ZNF793: variants seen among roughly 807,000 people sequenced by gnomAD.
ZNF793 encodes the protein zinc finger protein 793.
ZNF793 carries 5 observed loss-of-function variants against 12.4 expected under a neutral mutation model. The observed-to-expected ratio is 0.40, with a 90% CI of 0.21 to 0.84. The LOEUF (loss-of-function observed/expected upper bound fraction) is 0.84, where lower values mean the gene tolerates loss of function less well. ZNF793 is among the 40% of genes least tolerant of loss of function. The pLI is 0.35. For missense variants in ZNF793, 456 were observed against 495.0 expected, an observed-to-expected ratio of 0.92 and a Z score of 0.75; for synonymous variants, 162 against 172.4, an observed-to-expected ratio of 0.94 and a Z score of 0.47.
chr19:37,513,441 CACTT>C (rs2147060943), intron 2 of ZNF793, among the ~76,000 whole-genome samples: 1 of 152,336 alleles, frequency 6.6e-6, no homozygotes, highest in East Asian at 1.9e-4. Context: ...GCACATTAGA[CACTT>C]ACAAAACTGT....
At chr19:37,523,602 G>A (rs922662107) in intron 5 of ZNF793, 148 bp downstream of exon 5, 7 of 734,252 alleles carry the variant, frequency 9.5e-6, no homozygotes, top group Non-Finnish European at 1.4e-5. Flanking sequence ...TTTTCTCACA[G>A]GAGGTTGATT....
chr19:37,537,907 G>A lies in ZNF793; in HGVS notation c.*28G>A. ...AAAATATCTGGTTTCATGGTATGTA[G>A]GGAATTTTTTTTTTTTTTTTTTGAG... On this transcript the variant is annotated 3_prime_UTR_variant, in exon 8 of 8. Transcript: ENST00000627814. 1.4e-6 allele frequency: 2 copies of A among 1,474,782 alleles called. No individual in the cohort carries two copies. Among genetic ancestry groups the A allele is most frequent in the South Asian group, 1.4e-5 (1 of 70,434 alleles). The allele number at this position is 1,474,782 out of a possible 1,614,324, so 91.4% of individuals were successfully genotyped here. A position where few individuals can be genotyped will look rare whatever the true frequency, so the allele number is the denominator to read the frequency against.
chr19:37,528,070 A>G (rs548202142), intron 5 of ZNF793, among the ~76,000 whole-genome samples: 1 of 152,272 alleles, frequency 6.6e-6, no homozygotes, highest in East Asian at 1.9e-4. Flanking sequence ...CGGAGGTTGC[A>G]GTGAGCCGAG....
intron 3 of ZNF793, among the ~76,000 whole-genome samples, chr19:37,521,279 G>T (rs996447869): frequency 1.3e-4 from 20 of 150,810 alleles, no homozygotes; most frequent in Admixed American, 1.3e-3. Context: ...GAGCCACTGT[G>T]CCTGTCCTGA....
intron 4 of ZNF793, among the ~76,000 whole-genome samples, chr19:37,522,961 A>G (rs982294000): frequency 6.6e-5 from 10 of 152,322 alleles, no homozygotes; most frequent in East Asian, 5.8e-4. Context: ...TTTATGACCT[A>G]TATAATATTT....
In ZNF793 at chr19:37,537,309, G is replaced by T. The variant is rs1342884174; in HGVS notation, c.651G>T (p.Arg217=). 3.1e-6 allele frequency: 5 copies of T among 1,613,612 alleles called. No homozygotes were observed. The East Asian group carries it at 8.9e-5, about 29-fold the overall frequency. ...PAVSDSLLYK[R]KRVPPTEKPH... is the part of the protein sequence containing the mutation. ...TAAGTGATTCTCTCTTGTACAAACG[G>T]AAGAGGGTTCCACCTACAGAAAAAC... The change falls in exon 8 of 8, where the codon CGG becomes CGT. Residue 217 remains arginine (R), a synonymous_variant. Coordinates refer to ENST00000627814, the MANE Select transcript of ZNF793 (RefSeq NM_001013659.3).
chr19:37,525,054 T>G (rs2042402847), intron 5 of ZNF793, among the ~76,000 whole-genome samples: 1 of 152,178 alleles, frequency 6.6e-6, no homozygotes, highest in Non-Finnish European at 1.5e-5. Flanking sequence ...CTTCTGTTGC[T>G]TGCGATCCAC....
chr19:37,515,585 G>A (rs1198193128), intron 2 of ZNF793, among the ~76,000 whole-genome samples: 1 of 152,178 alleles, frequency 6.6e-6, no homozygotes, highest in African/African-American at 2.4e-5. Context: ...TGGGATTACA[G>A]GCGTGAGCCA....
chr19:37,507,900 G>A (rs944316779), intron 1 of ZNF793, among the ~76,000 whole-genome samples: 2 of 152,214 alleles, frequency 1.3e-5, no homozygotes, highest in Non-Finnish European at 2.9e-5. Flanking sequence ...GTTGGAGATT[G>A]GAGGCCAGTG....
intron 7 of ZNF793, chr19:37,536,228 A>G: frequency 2.6e-6 from 1 of 387,140 alleles, no homozygotes; most frequent in Non-Finnish European, 4.6e-6. Context: ...GTAACTAACT[A>G]GCCCAACATG....
rs1025263164 is a variant in ZNF793 at position 37,534,491 on chromosome 19, C to G, written c.238+1088C>G. 3 of 147,378 alleles carry G rather than the reference C, an allele frequency of 2.0e-5. No homozygotes were observed. The Admixed American group carries it at 2.1e-4, about 10-fold the overall frequency. The allele number at this position is 147,378 out of a possible 1,614,324, so 9.1% of individuals were successfully genotyped here. On this transcript the variant is annotated intron_variant, in intron 7 of 7. Transcript: ENST00000627814. ...CCTTGCTACCCCTGCCACACACACA[C>G]TCACACTCACACACACACACACACA...
chr19:37,510,977 G>A (rs10411574), intron 2 of ZNF793, among the ~76,000 whole-genome samples: 9 of 151,788 alleles, frequency 5.9e-5, no homozygotes, highest in East Asian at 2.0e-4. Context: ...GATTACAGGC[G>A]TGAGCCACCA....
At chr19:37,536,698 C>T (rs901740968) in intron 7 of ZNF793, 199 bp from the exon 8 acceptor site, 33 of 577,080 alleles carry the variant, frequency 5.7e-5, no homozygotes, top group South Asian at 8.9e-5. Flanking sequence ...AATTATTGGT[C>T]TCTATACTCT....
chr19:37,523,311 T>C, intron 4 of ZNF793, 99 bp from the exon 5 acceptor site: 1 of 938,650 alleles, frequency 1.1e-6, no homozygotes, highest in South Asian at 1.5e-5. Flanking sequence ...TTGTACAATA[T>C]TTACAAAGGG....
chr19:37,518,752 T>A (rs1462567975), intron 2 of ZNF793, among the ~76,000 whole-genome samples: 4 of 151,724 alleles, frequency 2.6e-5, no homozygotes, highest in Admixed American at 2.6e-4. Flanking sequence ...CAAGCCATGA[T>A]CATGCCACTG....
intron 2 of ZNF793, among the ~76,000 whole-genome samples, chr19:37,510,935 G>A (rs1387511860): frequency 6.6e-6 from 1 of 151,810 alleles, no homozygotes; most frequent in Non-Finnish European, 1.5e-5. Context: ...CTGACCTCGT[G>A]ATCCGCCCAC....
In ZNF793 at chr19:37,537,430, A is replaced by G. The variant is rs778014831; in HGVS notation, c.772A>G (p.Thr258Ala). Residue 258 changes from threonine to alanine, a missense_variant, in exon 8 of 8, where the codon ACT becomes GCT. Physicochemically the swap from Thr to Ala is moderately conservative, Grantham distance 58. Transcript: ENST00000627814. ...CACTGGGGAGAAGCCTTATGGCTGC[A>G]CTGACTGTGGGAAAGCCTTTTCACA... The part of the protein sequence containing the change: ...SHTGEKPYGC[T>A]DCGKAFSHKS... 6.2e-7 allele frequency: 1 copy of G among 1,613,472 alleles called. No homozygotes were observed. The highest frequency in any genetic ancestry group is 8.5e-7 in the Non-Finnish European group (1 of 1,179,618).
intron 2 of ZNF793, among the ~76,000 whole-genome samples, chr19:37,513,451 A>G (rs1203436506): frequency 6.6e-6 from 1 of 152,180 alleles, no homozygotes; most frequent in East Asian, 1.9e-4. Flanking sequence ...CACTTACAAA[A>G]CTGTTTAAAA....
chr19:37,532,164 C>T (rs2042466919), intron 5 of ZNF793, among the ~76,000 whole-genome samples, 192 bp from the exon 6 acceptor site: 2 of 152,034 alleles, frequency 1.3e-5, no homozygotes, highest in African/African-American at 4.8e-5. Context: ...CAAGTGTGCA[C>T]CACCATGCCT....
Sources: gnomAD v4.1 joint callset for allele counts (sites outside exome capture counted in the v4.1 genomes callset) on GRCh38, gnomAD v4.1.1 for gene constraint, MANE v1.5 for transcripts, NCBI Gene and HGNC (gene_info 2026-07-23, HGNC 2026-07-21) for gene names.